The following SYNPR variants were observed in gnomAD, a reference collection of about 807,000 sequenced individuals.
The protein encoded by SYNPR is synaptoporin.
Under a neutral mutation model 32.9 loss-of-function variants are expected in SYNPR, and 23 were observed. The observed-to-expected ratio is 0.70, with a 90% CI of 0.50 to 0.99. The LOEUF (loss-of-function observed/expected upper bound fraction) is 0.99. SYNPR is among the 50% of genes least tolerant of loss of function. The pLI is 0.00. For synonymous variants in SYNPR, 146 were observed against 135.9 expected, an observed-to-expected ratio of 1.07 and a Z score of -0.52; for missense variants, 318 against 349.3, an observed-to-expected ratio of 0.91 and a Z score of 0.71.
chr3:63,300,526 C>T (rs1159608990), intron 2 of SYNPR, among the ~76,000 whole-genome samples: 1 of 152,030 alleles, frequency 6.6e-6, no homozygotes, highest in Non-Finnish European at 1.5e-5. Flanking sequence ...TACTGCATAG[C>T]CTTTTCTCCC....
chr3:63,339,874 C>A (rs2087341729), intron 2 of SYNPR, among the ~76,000 whole-genome samples: 1 of 152,100 alleles, frequency 6.6e-6, no homozygotes, highest in Non-Finnish European at 1.5e-5. Context: ...CCAGGCTGGT[C>A]TCGAACTCCT....
chr3:63,546,267 C>T (rs1702400559), intron 3 of SYNPR, among the ~76,000 whole-genome samples: 1 of 152,126 alleles, frequency 6.6e-6, no homozygotes, highest in Non-Finnish European at 1.5e-5. Flanking sequence ...TAGGGTTTTA[C>T]TTCCCTTTTA....
chr3:63,366,942 C>G (rs186928301), intron 2 of SYNPR, among the ~76,000 whole-genome samples: 2 of 152,288 alleles, frequency 1.3e-5, no homozygotes, highest in Admixed American at 1.3e-4. Context: ...AGCTGATAGA[C>G]CAGGTGGTGG....
chr3:63,247,045 C>G (rs1419793722), intron 1 of SYNPR, among the ~76,000 whole-genome samples: 1 of 151,898 alleles, frequency 6.6e-6, no homozygotes, highest in East Asian at 1.9e-4. Context: ...ACTACACATC[C>G]TGCACATGTA....
intron 2 of SYNPR, among the ~76,000 whole-genome samples, chr3:63,349,749 C>T (rs1304791341): frequency 6.6e-6 from 1 of 151,854 alleles, no homozygotes; most frequent in Non-Finnish European, 1.5e-5. Context: ...GTTCCTTCTA[C>T]TCATTTTGAG....
At chr3:63,306,226 G>A (rs1257078999) in intron 2 of SYNPR, among the ~76,000 whole-genome samples, 1 of 151,944 alleles carries the variant, frequency 6.6e-6, no homozygotes, top group East Asian at 1.9e-4. Flanking sequence ...TCCTTGATTC[G>A]AGGTGTCACT....
chr3:63,303,469 A>G (rs2106943986), intron 2 of SYNPR, among the ~76,000 whole-genome samples: 1 of 152,150 alleles, frequency 6.6e-6, no homozygotes, highest in South Asian at 2.1e-4. Flanking sequence ...TTTGAAAATC[A>G]AATAGTATGT....
At chr3:63,362,390 A>G (rs1313552742) in intron 2 of SYNPR, among the ~76,000 whole-genome samples, 1 of 152,126 alleles carries the variant, frequency 6.6e-6, no homozygotes, top group African/African-American at 2.4e-5. Flanking sequence ...TTTTTCTCAT[A>G]TGAGCAACCA....
At chr3:63,309,302 T>C (rs2086938664) in intron 2 of SYNPR, among the ~76,000 whole-genome samples, 1 of 152,028 alleles carries the variant, frequency 6.6e-6, no homozygotes, top group Non-Finnish European at 1.5e-5. Flanking sequence ...AATGTTAACA[T>C]CTATTTTGCT....
chr3:63,380,020 TC>T (rs773389570), intron 2 of SYNPR, among the ~76,000 whole-genome samples: 12 of 152,212 alleles, frequency 7.9e-5, no homozygotes, highest in Non-Finnish European at 1.5e-4. Context: ...CATGAACTCA[TC>T]ATTTTTTATG....
intron 2 of SYNPR, among the ~76,000 whole-genome samples, chr3:63,447,747 T>TC (rs901009487): frequency 7.3e-5 from 11 of 151,492 alleles, no homozygotes; most frequent in African/African-American, 2.7e-4. Flanking sequence ...TACTGTGATT[T>TC]TTTTTTTTTT....
chr3:63,274,828 A>G (rs1446127386), upstream of SYNPR, among the ~76,000 whole-genome samples: 3 of 152,186 alleles, frequency 2.0e-5, no homozygotes, highest in African/African-American at 4.8e-5. Flanking sequence ...TGTCATCTCC[A>G]TCCCCTGCCC....
At chr3:63,382,799 C>G (rs1016000217) in intron 2 of SYNPR, among the ~76,000 whole-genome samples, 2 of 152,130 alleles carry the variant, frequency 1.3e-5, no homozygotes, top group East Asian at 1.9e-4. Context: ...TCCATCTTCC[C>G]TCTGTGCTGT....
rs1214244234 is a variant in SYNPR, at chr3:63,615,402, A to G, written c.779A>G (p.Gln260Arg). ...DSYGSSSGYSQQASLGPTSDE... is the reference protein window; with the variant it reads ...DSYGSSSGYSRQASLGPTSDE... ...TATGGATCAAGCAGTGGGTACAGTC[A>G]GCAGGCGAGTTTGGGGCCAACCTCA... The change falls in exon 6 of 6, where the codon CAG becomes CGG. Residue 260 changes from glutamine (Q) to arginine (R), a missense_variant. Physicochemically the swap from Gln to Arg is conservative, Grantham distance 43 (BLOSUM62 1). Transcript: ENST00000478300. The G allele has an allele frequency of 6.2e-7, 1 of 1,613,990 alleles. No homozygotes were observed. Among genetic ancestry groups the G allele is most frequent in the South Asian group, 1.1e-5 (1 of 91,060 alleles).
At chr3:63,537,021 T>C (rs760828932) in intron 3 of SYNPR, among the ~76,000 whole-genome samples, 1 of 152,096 alleles carries the variant, frequency 6.6e-6, no homozygotes, top group Non-Finnish European at 1.5e-5. Context: ...TTAGATAGTA[T>C]GTAGGTTACT....
the SYNPR span, among the ~76,000 whole-genome samples, chr3:63,210,793 C>A: frequency 1.4e-5 from 1 of 68,966 alleles, no homozygotes; most frequent in African/African-American, 4.8e-5. Context: ...TCCCATTTTC[C>A]TCCCTTCCTT....
chr3:63,358,762 T>C (rs1336409974), intron 2 of SYNPR, among the ~76,000 whole-genome samples: 1 of 152,200 alleles, frequency 6.6e-6, no homozygotes, highest in Non-Finnish European at 1.5e-5. Flanking sequence ...ATCTTAATCC[T>C]CAAAACAGAA....
intron 4 of SYNPR, among the ~76,000 whole-genome samples, chr3:63,608,319 G>A (rs1236051557): frequency 1.3e-5 from 2 of 152,222 alleles, no homozygotes; most frequent in South Asian, 2.1e-4. Flanking sequence ...ATGATTTTCA[G>A]GGTCAGACAG....
chr3:63,570,959 G>C (rs993874995), intron 4 of SYNPR, among the ~76,000 whole-genome samples: 1 of 152,060 alleles, frequency 6.6e-6, no homozygotes, highest in East Asian at 1.9e-4. Context: ...GGGAAACATA[G>C]AAACATATAA....
Sources: gnomAD v4.1 joint callset for allele counts (sites outside exome capture counted in the v4.1 genomes callset) on GRCh38, gnomAD v4.1.1 for gene constraint, MANE v1.5 for transcripts, NCBI Gene and HGNC (gene_info 2026-07-23, HGNC 2026-07-21) for gene names.